Variants in RAB3C observed in about 807,000 individuals in gnomAD.
RAB3C encodes the protein RAB3C, member RAS oncogene family.
A neutral mutation model predicts 26.4 loss-of-function variants in RAB3C; 17 were observed. The observed-to-expected ratio is 0.64, with a 90% CI of 0.44 to 0.97. RAB3C has a LOEUF of 0.97. Among genes scored for constraint, RAB3C ranks in the 50% least tolerant of loss-of-function variants. The probability of loss-of-function intolerance (pLI) is 0.00; values close to 1 mark genes in which losing one functional copy is unlikely to be tolerated. For missense variants in RAB3C, 242 were observed against 281.9 expected, an observed-to-expected ratio of 0.86 and a Z score of 1.01; for synonymous variants, 91 against 95.9, an observed-to-expected ratio of 0.95 and a Z score of 0.30.
intron 3 of RAB3C, among the ~76,000 whole-genome samples, chr5:58,792,440 G>A (rs1005411646): frequency 6.6e-6 from 1 of 152,104 alleles, no homozygotes. Flanking sequence ...CAAGTGCACG[G>A]AAAAAAGCAA....
At chr5:58,827,683 G>C (rs1354593187) in intron 4 of RAB3C, among the ~76,000 whole-genome samples, 1 of 152,034 alleles carries the variant, frequency 6.6e-6, no homozygotes, top group African/African-American at 2.4e-5. Context: ...TTGATTTTTT[G>C]CTCTCTATTC....
At chr5:58,735,753 G>A (rs1036112882) in intron 3 of RAB3C, among the ~76,000 whole-genome samples, 2 of 152,142 alleles carry the variant, frequency 1.3e-5, no homozygotes, top group African/African-American at 4.8e-5. Context: ...GAAGCCCGGT[G>A]GGCCCCTTTC....
Position 58,617,681 on chromosome 5 carries a change from C to T in RAB3C, c.63C>T (p.Asp21=). The T allele has an allele frequency of 6.2e-7, 1 of 1,613,872 alleles. No homozygotes were observed. Residue 21 remains aspartate (D), a synonymous_variant, in exon 2 of 5, where the codon GAC becomes GAT. Coordinates refer to ENST00000282878, the MANE Select transcript of RAB3C (RefSeq NM_138453.4). ...AAGATGCCAGGTACGGCCAGAAAGA[C>T]TCCTCTGATCAGAACTTTGACTACA... ...SAQDARYGQK[D]SSDQNFDYMF... is the part of the protein sequence containing the mutation.
At chr5:58,823,640 T>C (rs1198841578) in intron 3 of RAB3C, 5 of 209,234 alleles carry the variant, frequency 2.4e-5, no homozygotes, top group Non-Finnish European at 4.1e-5. Flanking sequence ...AAATGTCCCA[T>C]GCCCAGAAGA....
At chr5:58,776,035 C>T (rs73104354) in intron 3 of RAB3C, among the ~76,000 whole-genome samples, 3,600 of 152,186 alleles carry the variant, frequency 0.024, 94 homozygotes, top group African/African-American at 0.062. Context: ...GAATCTACCA[C>T]ACTTTTCTTC....
intron 2 of RAB3C, among the ~76,000 whole-genome samples, chr5:58,722,540 T>C (rs1470274792): frequency 6.6e-6 from 1 of 151,820 alleles, no homozygotes; most frequent in Admixed American, 6.6e-5. Flanking sequence ...AAGCCAAATG[T>C]GGGAAAATTT....
chr5:58,688,699 G>C (rs1284118992), intron 2 of RAB3C, among the ~76,000 whole-genome samples: 1 of 152,006 alleles, frequency 6.6e-6, no homozygotes, highest in Non-Finnish European at 1.5e-5. Flanking sequence ...GTGACTTATT[G>C]ATATTTCTTT....
intron 3 of RAB3C, among the ~76,000 whole-genome samples, chr5:58,806,633 A>G (rs1579928760): frequency 6.6e-6 from 1 of 152,154 alleles, no homozygotes. Flanking sequence ...AGGATATTTA[A>G]TAGCATCTCT....
intron 3 of RAB3C, among the ~76,000 whole-genome samples, chr5:58,765,962 C>T (rs1241442618): frequency 2.6e-5 from 4 of 152,116 alleles, no homozygotes; most frequent in South Asian, 2.1e-4. Context: ...TCTTCTTCCT[C>T]CTGCTCCGGC....
rs1265194171 is a variant in RAB3C at position 58,851,360 on chromosome 5, T to C, written c.*9T>C. On this transcript the variant is annotated 3_prime_UTR_variant, in exon 5 of 5. Coordinates refer to ENST00000282878, the MANE Select transcript of RAB3C (RefSeq NM_138453.4). ...CCAACTGTGCCTGCTAGTGTCCCCG[T>C]GCACACAGGCAGCTCCAGGGGGCTC... 1 of 1,581,058 alleles carries C rather than the reference T, an allele frequency of 6.3e-7. No homozygotes were observed. The highest frequency in any genetic ancestry group is 1.9e-5 in the Admixed American group (1 of 53,178).
At chr5:58,794,975 G>T (rs1307846405) in intron 3 of RAB3C, among the ~76,000 whole-genome samples, 3 of 152,202 alleles carry the variant, frequency 2.0e-5, no homozygotes, top group Non-Finnish European at 4.4e-5. Context: ...GATATGGTTT[G>T]GCTGTGTCCC....
chr5:58,596,370 G>A (rs1441528173), intron 1 of RAB3C, among the ~76,000 whole-genome samples: 4 of 150,258 alleles, frequency 2.7e-5, no homozygotes, highest in Non-Finnish European at 5.9e-5. Flanking sequence ...CTTGTCTCCT[G>A]TCTACTTCTC....
intron 2 of RAB3C, among the ~76,000 whole-genome samples, chr5:58,706,262 A>G (rs1389795310): frequency 6.6e-6 from 1 of 152,150 alleles, no homozygotes; most frequent in African/African-American, 2.4e-5. Context: ...GGACAGTAGC[A>G]TCGGAAGTCA....
chr5:58,826,477 TTTTGTTTTTTG>T (rs1561143759), intron 4 of RAB3C, among the ~76,000 whole-genome samples: 1 of 152,134 alleles, frequency 6.6e-6, no homozygotes, highest in Non-Finnish European at 1.5e-5. Context: ...TTGGAATTCT[TTTTGTTTTTTG>T]TTTGTTTTTG....
chr5:58,786,837 AC>A (rs1325038542), intron 3 of RAB3C, among the ~76,000 whole-genome samples: 1 of 149,960 alleles, frequency 6.7e-6, no homozygotes, highest in Non-Finnish European at 1.5e-5. Context: ...ACGCCCCCTC[AC>A]CCCCCGCCAG....
Position 58,784,986 on chromosome 5 carries a change from A to C in RAB3C, c.372-40052A>C, listed in dbSNP as rs113552067. ...AAAGCTAAACTCAACATCATGCAGCAGTTGTGGTAGGCTGGATTTTACACC... is the reference window on the plus strand; with the variant it reads ...AAAGCTAAACTCAACATCATGCAGCCGTTGTGGTAGGCTGGATTTTACACC... On this transcript the variant is annotated intron_variant, in intron 3 of 4. Coordinates refer to ENST00000282878, the MANE Select transcript of RAB3C (RefSeq NM_138453.4). Among the ~76,000 whole-genome samples, 1,354 of 152,334 alleles carry C rather than the reference A, an allele frequency of 8.9e-3. 21 individuals carry two copies. The highest frequency in any genetic ancestry group is 0.031 in the African/African-American group (1,290 of 41,574).
At chr5:58,752,754 T>G (rs1438537818) in intron 3 of RAB3C, among the ~76,000 whole-genome samples, 1 of 152,190 alleles carries the variant, frequency 6.6e-6, no homozygotes, top group African/African-American at 2.4e-5. Flanking sequence ...TTTATTACTT[T>G]TCATCTACTA....
At chr5:58,626,222 C>T (rs577636068) in intron 2 of RAB3C, among the ~76,000 whole-genome samples, 2 of 152,174 alleles carry the variant, frequency 1.3e-5, no homozygotes, top group South Asian at 4.2e-4. Context: ...TTCTTATAAA[C>T]CATGTTCATT....
intron 1 of RAB3C, 48 bp downstream of exon 1, chr5:58,583,280 C>G: frequency 1.2e-6 from 2 of 1,612,714 alleles, no homozygotes; most frequent in Non-Finnish European, 1.7e-6. Context: ...GAAAGAGATG[C>G]TTTTCCCCTT....
Sources: gnomAD v4.1 joint callset for allele counts (sites outside exome capture counted in the v4.1 genomes callset) on GRCh38, gnomAD v4.1.1 for gene constraint, MANE v1.5 for transcripts, NCBI Gene and HGNC (gene_info 2026-07-23, HGNC 2026-07-21) for gene names.